The following VPS13A variants were observed in gnomAD, a reference collection of about 807,000 sequenced individuals.
VPS13A encodes the protein intermembrane lipid transfer protein VPS13A.
A neutral mutation model predicts 390.9 loss-of-function variants in VPS13A; 264 were observed. That is an observed-to-expected ratio of 0.68 (90% CI 0.61 to 0.75). The LOEUF is 0.75. VPS13A is among the 30% of genes least tolerant of loss of function. VPS13A has a pLI of 0.00. For synonymous variants in VPS13A, 1,231 were observed against 1,227.1 expected (o/e 1.00, Z -0.07); for missense variants, 3,409 against 3,733.9 (o/e 0.91, Z 2.27).
intron 1 of VPS13A, among the ~76,000 whole-genome samples, chr9:77,178,933 T>C (rs567730147): frequency 6.6e-6 from 1 of 152,332 alleles, no homozygotes; most frequent in African/African-American, 2.4e-5. Flanking sequence ...ACAGGTAGTT[T>C]AGTTTGATTT....
chr9:77,188,172 A>C (rs1047613019), intron 1 of VPS13A, among the ~76,000 whole-genome samples: 1 of 152,104 alleles, frequency 6.6e-6, no homozygotes, highest in Non-Finnish European at 1.5e-5. Context: ...CATGATTGAA[A>C]GCTTCCTGCG....
chr9:77,291,191 C>T lies in VPS13A; in HGVS notation c.3340-2150C>T, dbSNP rs192132919. Among the ~76,000 whole-genome samples, 4 of 152,180 alleles carry T rather than the reference C, an allele frequency of 2.6e-5. No homozygotes were observed. The East Asian group carries it at 7.7e-4, about 29-fold the overall frequency. On this transcript the variant is annotated intron_variant, in intron 31 of 71. Transcript: ENST00000360280. ...ATTAGATTCTCATAGTAGGGTGAACCCTATTGTGAACTGTGCATACGCAGG... is the reference window on the plus strand; with the variant it reads ...ATTAGATTCTCATAGTAGGGTGAACTCTATTGTGAACTGTGCATACGCAGG...
intron 68 of VPS13A, among the ~76,000 whole-genome samples, chr9:77,386,711 T>TA (rs1554677498): frequency 2.7e-4 from 40 of 146,484 alleles, no homozygotes; most frequent in Admixed American, 1.6e-3. Flanking sequence ...TTTTTTTTTT[T>TA]AATTTTTTTT....
rs935442888 is a variant in VPS13A at position 77,416,862 on chromosome 9, A to G, written c.*856A>G. On this transcript the variant is annotated 3_prime_UTR_variant, in exon 72 of 72. Coordinates refer to ENST00000360280, the MANE Select transcript of VPS13A (RefSeq NM_033305.3). Reference sequence around the variant, plus strand: ...TAACATGGAATAAACACAATTCCCAACATCTTAGATAGTGTATTATGCTTC... The same window carrying G: ...TAACATGGAATAAACACAATTCCCAGCATCTTAGATAGTGTATTATGCTTC... The G allele has an allele frequency of 6.6e-6, 1 of 152,620 alleles. No individual in the cohort carries two copies. Among genetic ancestry groups the G allele is most frequent in the Admixed American group, 6.5e-5 (1 of 15,268 alleles). 9.5% of individuals were successfully genotyped at this position (152,620 alleles called of 1,614,324 possible). A position where few individuals can be genotyped will look rare whatever the true frequency, so the allele number is the denominator to read the frequency against.
chr9:77,392,076 A>G (rs1355666138), intron 68 of VPS13A, among the ~76,000 whole-genome samples: 1 of 152,178 alleles, frequency 6.6e-6, no homozygotes, highest in East Asian at 1.9e-4. Context: ...GTAATGTCGG[A>G]TCTTCACACT....
At chr9:77,217,385 T>C (rs1822923291) in intron 10 of VPS13A, among the ~76,000 whole-genome samples, 1 of 152,208 alleles carries the variant, frequency 6.6e-6, no homozygotes, top group African/African-American at 2.4e-5. Flanking sequence ...TAGTGAAGTC[T>C]AGGCTTTCAG....
chr9:77,310,969 A>G (rs1253021598), intron 35 of VPS13A, among the ~76,000 whole-genome samples: 2 of 151,192 alleles, frequency 1.3e-5, no homozygotes, highest in Admixed American at 6.6e-5. Context: ...TATGTCACCC[A>G]GGCTGGAGTG....
intron 26 of VPS13A, among the ~76,000 whole-genome samples, chr9:77,277,155 A>T (rs1564688591): frequency 7.2e-5 from 11 of 152,188 alleles, no homozygotes; most frequent in Admixed American, 5.9e-4. Context: ...TTTCCTTGAA[A>T]GATAATTGTG....
intron 22 of VPS13A, among the ~76,000 whole-genome samples, chr9:77,259,455 CGTAA>C (rs1367521153): frequency 1.3e-5 from 2 of 152,004 alleles, no homozygotes; most frequent in African/African-American, 4.8e-5. Flanking sequence ...AGAAAGATAA[CGTAA>C]GTAATCAGTG....
intron 23 of VPS13A, among the ~76,000 whole-genome samples, chr9:77,265,676 A>C (rs1825998005): frequency 6.6e-6 from 1 of 151,546 alleles, no homozygotes; most frequent in Admixed American, 6.6e-5. Context: ...TGTCTGTTTG[A>C]TTCTTCTCTT....
rs758410781 is a variant in VPS13A, at chr9:77,201,421, A to G, written c.187+14A>G. 13 of 1,603,270 alleles carry G rather than the reference A, an allele frequency of 8.1e-6. No individual in the cohort carries two copies. Among genetic ancestry groups the G allele is most frequent in the African/African-American group, 5.4e-5 (4 of 74,660 alleles). On this transcript the variant is annotated intron_variant, in intron 3 of 71. Transcript: ENST00000360280. ...TTGGTCACATAGGTAAGCCATATTC[A>G]TTATTGGGATATCCTCCTTCCTGGA...
At chr9:77,183,388 T>C (rs1824141695) in intron 1 of VPS13A, among the ~76,000 whole-genome samples, 2 of 152,302 alleles carry the variant, frequency 1.3e-5, no homozygotes, top group African/African-American at 2.4e-5. Context: ...TTGTCCCTTA[T>C]ACCCTTCTTG....
intron 51 of VPS13A, 116 bp downstream of exon 51, chr9:77,344,397 A>G: frequency 8.9e-7 from 1 of 1,117,754 alleles, no homozygotes; most frequent in Non-Finnish European, 1.3e-6. Context: ...CCCTTTCCCC[A>G]AAAACGAACA....
rs1163753589 is a variant in VPS13A, at chr9:77,177,567, G to C, written c.-138G>C. Reference sequence around the variant, plus strand: ...CTCTCGCTGGGCTCGCTAGGGCTGCGCGTTGGGCCAGCGGGGGCGCCGCAG... The same window carrying C: ...CTCTCGCTGGGCTCGCTAGGGCTGCCCGTTGGGCCAGCGGGGGCGCCGCAG... On this transcript the variant is annotated 5_prime_UTR_variant, in exon 1 of 72. Coordinates refer to ENST00000360280, the MANE Select transcript of VPS13A (RefSeq NM_033305.3). The C allele has an allele frequency of 2.7e-6, 2 of 753,106 alleles. No homozygotes were observed. The highest frequency in any genetic ancestry group is 3.5e-5 in the African/African-American group (2 of 57,726). 46.7% of individuals were successfully genotyped at this position (753,106 alleles called of 1,614,324 possible).
intron 19 of VPS13A, among the ~76,000 whole-genome samples, chr9:77,240,003 TA>T (rs1268282430): frequency 8.9e-6 from 1 of 111,774 alleles, no homozygotes; most frequent in Non-Finnish European, 2.0e-5. Context: ...CTATTTTTTT[TA>T]CTTAAAAATA....
At chr9:77,344,738 G>A (rs1048768095) in intron 51 of VPS13A, among the ~76,000 whole-genome samples, 6 of 150,950 alleles carry the variant, frequency 4.0e-5, no homozygotes, top group Non-Finnish European at 8.8e-5. Flanking sequence ...CAGCCTAGGC[G>A]ACAGAGCAAG....
intron 68 of VPS13A, among the ~76,000 whole-genome samples, chr9:77,401,327 A>AG (rs1358236142): frequency 5.3e-4 from 58 of 108,714 alleles, no homozygotes; most frequent in Admixed American, 2.5e-3. Flanking sequence ...GATCACATGA[A>AG]GTTGTGTGTG....
In VPS13A at chr9:77,322,959, A is replaced by G. The variant is rs535660006; in HGVS notation, c.5831-108A>G. On this transcript the variant is annotated intron_variant, in intron 44 of 71. Transcript: ENST00000360280. Reference sequence around the variant, plus strand: ...ACTATATCCAAAGACTCTAGTGACTATTATTTATAAGTTTAAGAATCATCT... The same window carrying G: ...ACTATATCCAAAGACTCTAGTGACTGTTATTTATAAGTTTAAGAATCATCT... 87 of 879,410 alleles carry G rather than the reference A, an allele frequency of 9.9e-5. 1 individual carries two copies. The Middle Eastern group carries it at 1.4e-3, about 14-fold the overall frequency. 54.5% of individuals were successfully genotyped at this position (879,410 alleles called of 1,614,324 possible).
intron 24 of VPS13A, among the ~76,000 whole-genome samples, chr9:77,274,383 G>A (rs549042107): frequency 7.4e-5 from 11 of 148,402 alleles, no homozygotes; most frequent in African/African-American, 1.2e-4. Flanking sequence ...AGCAGAGATC[G>A]TGCCACTGTG....
Sources: allele counts gnomAD v4.1 joint callset (sites outside exome capture counted in the v4.1 genomes callset), GRCh38; gene constraint gnomAD v4.1.1; transcripts MANE v1.5; gene names NCBI Gene and HGNC (gene_info 2026-07-23, HGNC 2026-07-21).